Variants in DPYD observed in about 807,000 individuals in gnomAD.
The protein encoded by DPYD is dihydropyrimidine dehydrogenase [NADP(+)].
Under a neutral mutation model 116.2 loss-of-function variants are expected in DPYD, and 109 were observed. That is an observed-to-expected ratio of 0.94 (90% confidence interval 0.80 to 1.10). DPYD has a LOEUF of 1.10. Among genes scored for constraint, DPYD ranks in the 50% least tolerant of loss-of-function variants. The pLI is 0.00. For missense variants in DPYD, 1,302 were observed against 1,254.5 expected, an observed-to-expected ratio of 1.04 and a Z score of -0.57; for synonymous variants, 440 against 432.0, an observed-to-expected ratio of 1.02 and a Z score of -0.23.
chr1:97,855,087 T>C (rs552991668), intron 2 of DPYD: 2 of 152,400 alleles, frequency 1.3e-5, no homozygotes, highest in South Asian at 2.1e-4. Flanking sequence ...TTCTACTGTT[T>C]GCTTCCCCTT....
chr1:97,588,083 A>G (rs947431775), intron 10 of DPYD, among the ~76,000 whole-genome samples: 1 of 152,188 alleles, frequency 6.6e-6, no homozygotes, highest in African/African-American at 2.4e-5. Flanking sequence ...TGATGAACAG[A>G]CTGAGCAATC....
In DPYD at chr1:97,904,682, T is replaced by C. The variant is rs112566487; in HGVS notation, c.39+16202A>G. ...TTTCAGTTCTCTAAAAATGTACTGT[T>C]CTTTGTTGAAGGAGCTATTTCAAAA... On this transcript the variant is annotated intron_variant, in intron 1 of 22. Transcript: ENST00000370192. Among the ~76,000 whole-genome samples the C allele has an allele frequency of 4.0e-3, 602 of 152,162 alleles. 5 individuals carry two copies. The highest frequency in any genetic ancestry group is 0.014 in the African/African-American group (576 of 41,548).
intron 4 of DPYD, among the ~76,000 whole-genome samples, chr1:97,726,644 T>A (rs918399983): frequency 3.3e-5 from 5 of 151,226 alleles, no homozygotes; most frequent in Non-Finnish European, 4.4e-5. Flanking sequence ...CCTTGTAATA[T>A]AAAAACAGTA....
intron 16 of DPYD, among the ~76,000 whole-genome samples, chr1:97,308,003 G>T (rs1004357154): frequency 6.6e-6 from 1 of 151,924 alleles, no homozygotes; most frequent in Admixed American, 6.6e-5. Flanking sequence ...AATGTGTCCT[G>T]ATAAGAATTA....
chr1:97,432,398 CATAATGT>C (rs1182253636), intron 14 of DPYD, among the ~76,000 whole-genome samples: 7 of 152,124 alleles, frequency 4.6e-5, no homozygotes, highest in Non-Finnish European at 1.0e-4. Context: ...CTTCATTTCT[CATAATGT>C]ATTCTTCACT....
intron 22 of DPYD, among the ~76,000 whole-genome samples, chr1:97,080,025 T>G (rs1649046974): frequency 6.6e-6 from 1 of 152,066 alleles, no homozygotes; most frequent in African/African-American, 2.4e-5. Context: ...ATTTCAATGA[T>G]GAAAAATGAC....
intron 20 of DPYD, among the ~76,000 whole-genome samples, chr1:97,127,970 C>T (rs558148343): frequency 2.6e-5 from 4 of 152,138 alleles, no homozygotes; most frequent in East Asian, 1.9e-4. Flanking sequence ...ACATAGCAGT[C>T]GGCACTCAAT....
intron 18 of DPYD, among the ~76,000 whole-genome samples, chr1:97,252,582 A>G (rs1335735310): frequency 1.3e-5 from 2 of 152,188 alleles, no homozygotes; most frequent in African/African-American, 4.8e-5. Context: ...ATCTAGTTAC[A>G]GAGGCAGAGC....
At chr1:97,179,802 G>C (rs1401018843) in intron 20 of DPYD, among the ~76,000 whole-genome samples, 1 of 152,114 alleles carries the variant, frequency 6.6e-6, no homozygotes, top group Non-Finnish European at 1.5e-5. Flanking sequence ...GCATGGATTT[G>C]AGCTACCAAT....
intron 20 of DPYD, among the ~76,000 whole-genome samples, chr1:97,136,214 G>A (rs1356871578): frequency 6.6e-6 from 1 of 152,162 alleles, no homozygotes; most frequent in Admixed American, 6.6e-5. Context: ...CTAAATCAGA[G>A]TCTCCATTCA....
At chr1:97,451,162 G>A (rs959244853) in intron 13 of DPYD, among the ~76,000 whole-genome samples, 5 of 151,932 alleles carry the variant, frequency 3.3e-5, no homozygotes, top group Non-Finnish European at 7.4e-5. Flanking sequence ...TTTTAATTAA[G>A]AACCACCCCA....
Position 97,883,341 on chromosome 1 carries a change from G to A in DPYD, c.73C>T (p.His25Tyr), listed in dbSNP as rs775601164. ...ILALNPRTQT[H>Y]ATLCSTSAKK... ...GCCGAAGTGGAACACAGAGTTGCAT[G>A]AGTTTGTGTTCGAGGATTTAAAGCC... The change falls in exon 2 of 23, where the codon CAT (histidine) becomes TAT (tyrosine). Residue 25 changes from histidine (H) to tyrosine (Y), a missense_variant. By Grantham distance (83) the His-to-Tyr change is moderately conservative (BLOSUM62 2). Coordinates refer to ENST00000370192, the MANE Select transcript of DPYD (RefSeq NM_000110.4). 1.3e-5 allele frequency: 21 copies of A among 1,612,514 alleles called. No individual in the cohort carries two copies. Among genetic ancestry groups the A allele is most frequent in the Middle Eastern group, 1.7e-4 (1 of 6,052 alleles).
At chr1:97,512,168 C>T (rs1647847607) in intron 13 of DPYD, among the ~76,000 whole-genome samples, 1 of 151,850 alleles carries the variant, frequency 6.6e-6, no homozygotes, top group Non-Finnish European at 1.5e-5. Context: ...CTCTCCTATA[C>T]ATTAAGCTTT....
chr1:97,141,177 A>G (rs1215871395), intron 20 of DPYD, among the ~76,000 whole-genome samples: 1 of 152,166 alleles, frequency 6.6e-6, no homozygotes, highest in African/African-American at 2.4e-5. Flanking sequence ...TCCCTGGCAT[A>G]TAATGGAAGC....
In DPYD at chr1:97,354,809, G is replaced by A. The variant is rs186215814; in HGVS notation, c.2058+18752C>T. 1.8e-4 allele frequency among the ~76,000 whole-genome samples: 28 copies of A among 152,206 alleles called. No individual in the cohort carries two copies. The South Asian group carries it at 3.3e-3, about 18-fold the overall frequency. On this transcript the variant is annotated intron_variant, in intron 16 of 22. Coordinates refer to ENST00000370192, the MANE Select transcript of DPYD (RefSeq NM_000110.4). ...CATTCAATTATCCACTCATTCATTC[G>A]TTCATTCATTAATCTATCCCCAAAT...
At chr1:97,289,628 A>T (rs1665990373) in intron 18 of DPYD, among the ~76,000 whole-genome samples, 1 of 152,126 alleles carries the variant, frequency 6.6e-6, no homozygotes, top group Non-Finnish European at 1.5e-5. Flanking sequence ...CCTTTGACAA[A>T]ATTTAACAAC....
intron 11 of DPYD, among the ~76,000 whole-genome samples, chr1:97,564,420 G>T (rs924493513): frequency 4.6e-5 from 7 of 152,158 alleles, no homozygotes; most frequent in Non-Finnish European, 7.4e-5. Flanking sequence ...TTATTTAAAT[G>T]ATAGGCTACA....
At chr1:97,324,264 G>A (rs1668595714) in intron 16 of DPYD, among the ~76,000 whole-genome samples, 1 of 151,944 alleles carries the variant, frequency 6.6e-6, no homozygotes, top group Non-Finnish European at 1.5e-5. Flanking sequence ...AGTTTCTGTT[G>A]CTTGCAATTA....
chr1:97,118,134 G>T (rs962229885), intron 20 of DPYD, among the ~76,000 whole-genome samples: 1 of 151,846 alleles, frequency 6.6e-6, no homozygotes, highest in Non-Finnish European at 1.5e-5. Context: ...CTTTTCAAAT[G>T]TCACCTTTTG....
Sources: allele counts gnomAD v4.1 joint callset (sites outside exome capture counted in the v4.1 genomes callset), GRCh38; gene constraint gnomAD v4.1.1; transcripts MANE v1.5; gene names NCBI Gene and HGNC (gene_info 2026-07-23, HGNC 2026-07-21).